Variants in CCDC14 observed in about 807,000 individuals in gnomAD.
The protein encoded by CCDC14 is coiled-coil domain-containing protein 14.
A neutral mutation model predicts 81.4 loss-of-function variants in CCDC14; 71 were observed. The ratio of observed to expected loss-of-function variants is 0.87; its 90% CI spans 0.72 to 1.06. The LOEUF is 1.06. Among genes scored for constraint, CCDC14 ranks in the 50% least tolerant of loss-of-function variants. The pLI, the probability that CCDC14 is intolerant of heterozygous loss-of-function variation, is 0.00. For synonymous variants in CCDC14, 332 were observed against 364.8 expected (o/e 0.91, Z 1.03); for missense variants, 1,046 against 1,047.3 (o/e 1.00, Z 0.02).
chr3:123,953,784 T>C (rs2037172282), intron 5 of CCDC14: 1 of 151,766 alleles, frequency 6.6e-6, no homozygotes, highest in Admixed American at 6.6e-5. Context: ...TAGCGTATTC[T>C]ATAAACAGTA....
At chr3:123,930,529 G>GT (rs1013265354) in intron 12 of CCDC14, among the ~76,000 whole-genome samples, 2 of 152,122 alleles carry the variant, frequency 1.3e-5, no homozygotes, top group Non-Finnish European at 2.9e-5. Context: ...ATTGAGTGAG[G>GT]TAATTTTATT....
the CCDC14 span, among the ~76,000 whole-genome samples, chr3:123,887,114 C>T: frequency 1.4e-4 from 21 of 152,174 alleles, no homozygotes; most frequent in African/African-American, 4.6e-4. Flanking sequence ...TTTGCATATG[C>T]TATCCATCTT....
At chr3:123,902,195 C>G (rs1382737770) in intron 5 of CCDC14, among the ~76,000 whole-genome samples, 1 of 152,154 alleles carries the variant, frequency 6.6e-6, no homozygotes, top group Non-Finnish European at 1.5e-5. Flanking sequence ...GGGAAAGAAT[C>G]AAGCACTTAT....
At chr3:123,934,921 G>A (rs1045026912) in intron 9 of CCDC14, among the ~76,000 whole-genome samples, 4 of 152,044 alleles carry the variant, frequency 2.6e-5, no homozygotes, top group Non-Finnish European at 5.9e-5. Flanking sequence ...CTTGAAGTCG[G>A]GAAGGCATTT....
At chr3:123,896,182 T>C (rs1446465065), downstream of CCDC14, among the ~76,000 whole-genome samples, 5 of 152,196 alleles carry the variant, frequency 3.3e-5, no homozygotes, top group Non-Finnish European at 7.3e-5. Context: ...AATGGGTTAG[T>C]GGATTAATGG....
downstream of CCDC14, among the ~76,000 whole-genome samples, chr3:123,910,336 C>T (rs980993746): frequency 2.6e-5 from 4 of 152,014 alleles, no homozygotes; most frequent in East Asian, 1.9e-4. Flanking sequence ...AATGGTCGTC[C>T]GCCTGGATCA....
intron 5 of CCDC14, chr3:123,952,594 C>T (rs2037081476): frequency 7.5e-6 from 4 of 530,856 alleles, no homozygotes; most frequent in South Asian, 5.6e-5. Context: ...GGTGTGCTTA[C>T]CTGACTCCAT....
intron 5 of CCDC14, among the ~76,000 whole-genome samples, chr3:123,899,759 A>T (rs925966904): frequency 2.0e-5 from 3 of 152,194 alleles, no homozygotes; most frequent in African/African-American, 4.8e-5. Context: ...CTGTTAACGA[A>T]GTCTCCTCTG....
At chr3:123,906,021 C>T (rs560334531) in intron 5 of CCDC14, among the ~76,000 whole-genome samples, 1 of 152,256 alleles carries the variant, frequency 6.6e-6, no homozygotes, top group Admixed American at 6.5e-5. Context: ...AGCTGAAAAA[C>T]CAATGAATGA....
At position 123,915,705 on chromosome 3, in the gene CCDC14, T is replaced by C; in HGVS notation, c.1792A>G (p.Ser598Gly). 3 of 1,608,184 alleles carry C rather than the reference T, an allele frequency of 1.9e-6. No homozygotes were observed. The highest frequency in any genetic ancestry group is 2.5e-6 in the Non-Finnish European group (3 of 1,177,736). ...LRELTRTLQTSMAKLLSDLSV... is the reference protein window; with the variant it reads ...LRELTRTLQTGMAKLLSDLSV... ...AGATCGGAGAGAAGCTTTGCCATGCTAGTCTGTAAAGTTCTGTTAAGAAGA... is the reference window on the plus strand; with the variant it reads ...AGATCGGAGAGAAGCTTTGCCATGCCAGTCTGTAAAGTTCTGTTAAGAAGA... Residue 598 changes from serine (S) to glycine (G), a missense_variant, in exon 13 of 13, where the codon AGC becomes GGC. Physicochemically the swap from Ser to Gly is moderately conservative, Grantham distance 56. Coordinates refer to ENST00000409697, the MANE Select transcript of CCDC14 (RefSeq NM_001366335.1).
At chr3:123,916,462 A>ATATG (rs1553710954) in intron 12 of CCDC14, among the ~76,000 whole-genome samples, 1 of 81,960 alleles carries the variant, frequency 1.2e-5, no homozygotes, top group Admixed American at 1.9e-4. Flanking sequence ...TTCATTATAT[A>ATATG]TGTGTTTGTG....
intron 12 of CCDC14, among the ~76,000 whole-genome samples, chr3:123,925,296 G>A (rs1278615149): frequency 2.6e-5 from 4 of 152,138 alleles, no homozygotes; most frequent in Non-Finnish European, 5.9e-5. Context: ...TAGAAGCAGA[G>A]AGTAGAATAG....
At chr3:123,936,120 T>A (rs1297255233) in intron 9 of CCDC14, among the ~76,000 whole-genome samples, 1 of 152,124 alleles carries the variant, frequency 6.6e-6, no homozygotes, top group Middle Eastern at 3.2e-3. Context: ...ACTCTTCCCA[T>A]ATTTTAAAAA....
chr3:123,946,215 C>T (rs2036615386), intron 8 of CCDC14, among the ~76,000 whole-genome samples: 1 of 150,134 alleles, frequency 6.7e-6, no homozygotes, highest in Admixed American at 6.7e-5. Context: ...GATGACAAAA[C>T]TGTAACTCAT....
At chr3:123,948,185 C>T (rs928460239) in intron 7 of CCDC14, among the ~76,000 whole-genome samples, 2 of 151,480 alleles carry the variant, frequency 1.3e-5, no homozygotes, top group Admixed American at 1.3e-4. Flanking sequence ...ATCTCTTCCC[C>T]TCTTTCTCCT....
rs538122071 is a variant in CCDC14, at chr3:123,913,671, T to TAAA, written c.*1105_*1107dup. On this transcript the variant is annotated 3_prime_UTR_variant, in exon 13 of 13. Transcript: ENST00000409697. ...CTTCAAACGCTGTAGCACTAACACC[T>TAAA]AAAAAAAAAAAAAAAACCACCAAAA... 4.3e-5 allele frequency: 39 copies of TAAA among 907,092 alleles called. No homozygotes were observed. In the African/African-American group the frequency reaches 4.5e-4, roughly 11 times the overall value. The allele number at this position is 907,092 out of a possible 1,614,324, so 56.2% of individuals were successfully genotyped here.
At chr3:123,938,094 A>G (rs1368769985) in intron 9 of CCDC14, among the ~76,000 whole-genome samples, 2 of 151,792 alleles carry the variant, frequency 1.3e-5, no homozygotes, top group Non-Finnish European at 3.0e-5. Flanking sequence ...TTCCTTTCTC[A>G]ATACTGTTTT....
At chr3:123,916,833 C>T (rs2034728874) in intron 12 of CCDC14, among the ~76,000 whole-genome samples, 1 of 151,822 alleles carries the variant, frequency 6.6e-6, no homozygotes, top group Non-Finnish European at 1.5e-5. Context: ...CCTATTAAGG[C>T]CATTTTTTAT....
At chr3:123,889,596 TG>T in the CCDC14 span, among the ~76,000 whole-genome samples, 8 of 152,248 alleles carry the variant, frequency 5.3e-5, no homozygotes, top group Non-Finnish European at 7.3e-5. Flanking sequence ...TCCACCCCAG[TG>T]GGTCTGCAGG....
Sources: gnomAD v4.1 joint callset for allele counts (sites outside exome capture counted in the v4.1 genomes callset) on GRCh38, gnomAD v4.1.1 for gene constraint, MANE v1.5 for transcripts, NCBI Gene and HGNC (gene_info 2026-07-23, HGNC 2026-07-21) for gene names.